RORC: variants seen among roughly 807,000 people sequenced by gnomAD.
RORC encodes RAR related orphan receptor C, also known as nuclear receptor ROR-gamma.
Under a neutral mutation model 64.5 loss-of-function variants are expected in RORC, and 13 were observed. That is an observed-to-expected ratio of 0.20 (90% CI 0.13 to 0.32). The LOEUF (loss-of-function observed/expected upper bound fraction) is 0.32, where lower values mean the gene tolerates loss of function less well. Among genes scored for constraint, RORC ranks in the 10% least tolerant of loss-of-function variants. The pLI, the probability that RORC is intolerant of heterozygous loss-of-function variation, is 1.00. For missense variants in RORC, 468 were observed against 669.5 expected (o/e 0.70, Z 3.32); for synonymous variants, 277 against 259.3 (o/e 1.07, Z -0.65).
At chr1:151,821,046 C>T (rs1651976257) in intron 2 of RORC, among the ~76,000 whole-genome samples, 1 of 152,180 alleles carries the variant, frequency 6.6e-6, no homozygotes, top group South Asian at 2.1e-4. Flanking sequence ...CTGAAGTACC[C>T]CCAGGAGCAT....
chr1:151,828,249 G>C (rs1026283737), intron 2 of RORC, among the ~76,000 whole-genome samples: 1 of 152,156 alleles, frequency 6.6e-6, no homozygotes, highest in Non-Finnish European at 1.5e-5. Context: ...GGAGGAACTG[G>C]CAAGGCAGTC....
At chr1:151,829,406 C>G in intron 2 of RORC, 23 bp downstream of exon 2, 1 of 1,537,816 alleles carries the variant, frequency 6.5e-7, no homozygotes. Context: ...CAGCCATTTT[C>G]TTGCCCCGGA....
chr1:151,815,102 G>C lies in RORC; in HGVS notation c.622C>G (p.Arg208Gly). ...ASCHLEYSPERGKAEGRESFY... is the reference protein window; with the variant it reads ...ASCHLEYSPEGGKAEGRESFY... ...CTCTCTCTGCCCTCAGCCTTGCCCC[G>C]CTCAGGGCTGTATTCAAGGTGGCAT... The change falls in exon 5 of 11, where the codon CGG becomes GGG. Residue 208 changes from arginine to glycine, a missense_variant. By Grantham distance (125) the Arg-to-Gly change is moderately radical. Coordinates refer to ENST00000318247, the MANE Select transcript of RORC (RefSeq NM_005060.4). 1 of 1,614,146 alleles carries C rather than the reference G, an allele frequency of 6.2e-7. No individual in the cohort carries two copies. Among genetic ancestry groups the C allele is most frequent in the South Asian group, 1.1e-5 (1 of 91,078 alleles).
At chr1:151,813,142 G>C in intron 8 of RORC, 85 bp from the exon 9 acceptor site, 1 of 1,450,416 alleles carries the variant, frequency 6.9e-7, no homozygotes. Context: ...TTAGAGCAGA[G>C]GGGGCAATTC....
chr1:151,813,404 C>T, intron 7 of RORC, 58 bp from the exon 8 acceptor site: 1 of 1,609,156 alleles, frequency 6.2e-7, no homozygotes, highest in Non-Finnish European at 8.5e-7. Context: ...GGATCTGACT[C>T]TGTCCCCCTG....
At chr1:151,825,029 A>AGCTTCTCTG (rs796301574) in intron 2 of RORC, among the ~76,000 whole-genome samples, 3 of 151,434 alleles carry the variant, frequency 2.0e-5, no homozygotes, top group African/African-American at 7.2e-5. Context: ...GTGCTCTGAG[A>AGCTTCTCTG]GCTTCTCTGG....
intron 2 of RORC, among the ~76,000 whole-genome samples, chr1:151,820,681 C>T (rs993706671): frequency 5.3e-5 from 8 of 152,172 alleles, no homozygotes; most frequent in African/African-American, 1.9e-4. Flanking sequence ...GAGACAAATG[C>T]CCAAATGCAC....
intron 2 of RORC, among the ~76,000 whole-genome samples, chr1:151,829,032 G>GCTGAGTTC (rs569328811): frequency 5.7e-4 from 86 of 150,056 alleles, no homozygotes; most frequent in Non-Finnish European, 7.4e-4. Flanking sequence ...TGGCAGCAGC[G>GCTGAGTTC]CTGAGTTCCT....
Position 151,807,349 on chromosome 1 carries a change from T to A in RORC, c.*123A>T, listed in dbSNP as rs1651354112. 1 of 985,262 alleles carries A rather than the reference T, an allele frequency of 1.0e-6. No homozygotes were observed. The highest frequency in any genetic ancestry group is 1.8e-5 in the South Asian group (1 of 56,594). The allele number at this position is 985,262 out of a possible 1,614,324, so 61.0% of individuals were successfully genotyped here. A position where few individuals can be genotyped will look rare whatever the true frequency, so the allele number is the denominator to read the frequency against. On this transcript the variant is annotated 3_prime_UTR_variant, in exon 11 of 11. Coordinates refer to ENST00000318247, the MANE Select transcript of RORC (RefSeq NM_005060.4). This position sits in a 1 kb window ranked among gnomAD's most constrained non-coding sequence, Gnocchi z 5.0. ...AAGCCAGCCGCAGCATCTGCTCACT[T>A]CCAAAGAGCTGGTGGGGACCACCCT... is the stretch of plus-strand genomic sequence containing the variant.
intron 9 of RORC, chr1:151,811,664 G>T: frequency 2.7e-6 from 1 of 371,628 alleles, no homozygotes; most frequent in Non-Finnish European, 5.0e-6. Flanking sequence ...CTGATCTCCT[G>T]ACTCCAAGCT....
intron 2 of RORC, 96 bp from the exon 3 acceptor site, chr1:151,817,376 A>T: frequency 1.2e-6 from 1 of 807,288 alleles, no homozygotes; most frequent in Non-Finnish European, 2.1e-6. Context: ...TGGTGCTTCC[A>T]CTACTTCTCC....
chr1:151,825,922 T>G (rs1652176504), intron 2 of RORC: 2 of 1,613,768 alleles, frequency 1.2e-6, no homozygotes, highest in Non-Finnish European at 1.7e-6. Flanking sequence ...GTGGCCCCAT[T>G]CACTTACTTC....
intron 2 of RORC, chr1:151,826,163 G>T: frequency 8.5e-7 from 1 of 1,176,020 alleles, no homozygotes; most frequent in Non-Finnish European, 1.1e-6. Flanking sequence ...CCCAAGGGGT[G>T]CAGTGAGTAG....
In RORC at chr1:151,826,936, G is replaced by A. The variant is rs1452108704; in HGVS notation, c.70+2493C>T. 2.0e-5 allele frequency among the ~76,000 whole-genome samples: 3 copies of A among 152,112 alleles called. No individual in the cohort carries two copies. In the East Asian group the frequency reaches 5.8e-4, roughly 29 times the overall value. Reference sequence around the variant, plus strand: ...AGTTCGAGACCGGCCTGGCCAACATGGTGAAACCCCATCTCTACTAAAAAT... The same window carrying A: ...AGTTCGAGACCGGCCTGGCCAACATAGTGAAACCCCATCTCTACTAAAAAT... On this transcript the variant is annotated intron_variant, in intron 2 of 10. Transcript: ENST00000318247.
Position 151,827,188 on chromosome 1 carries a change from C to T in RORC, c.70+2241G>A, listed in dbSNP as rs140582885. On this transcript the variant is annotated intron_variant, in intron 2 of 10. Coordinates refer to ENST00000318247, the MANE Select transcript of RORC (RefSeq NM_005060.4). ...TCATTTCGAGGAGGAAAGTGAGACACAGAGAGGTTAAGTAACTTGCCCAAG... is the reference window on the plus strand; with the variant it reads ...TCATTTCGAGGAGGAAAGTGAGACATAGAGAGGTTAAGTAACTTGCCCAAG... Among the ~76,000 whole-genome samples the T allele has an allele frequency of 4.8e-4, 73 of 152,316 alleles. No individual in the cohort carries two copies. The Middle Eastern group carries it at 0.014, about 28-fold the overall frequency.
rs1308836109 is a variant in RORC, at chr1:151,807,670, T to C, written c.1396-37A>G. 6.2e-7 allele frequency: 1 copy of C among 1,608,466 alleles called. No homozygotes were observed. Among genetic ancestry groups the C allele is most frequent in the African/African-American group, 1.3e-5 (1 of 74,914 alleles). On this transcript the variant is annotated intron_variant, in intron 10 of 10. Coordinates refer to ENST00000318247, the MANE Select transcript of RORC (RefSeq NM_005060.4). The surrounding 1 kb of genome is among the most constrained non-coding windows in gnomAD (Gnocchi z 5.0). ...TTAATGGGGAAGGGAGGGTCAATAC[T>C]TCAGCTCTCCTCAGAGCAAAGAAGT...
chr1:151,831,016 C>A (rs920196348), intron 1 of RORC: 1 of 1,289,224 alleles, frequency 7.8e-7, no homozygotes, highest in African/African-American at 1.5e-5. Flanking sequence ...CACAGCTGAC[C>A]AAGCCTGTGG....
chr1:151,820,347 G>A (rs1213795011), intron 2 of RORC, among the ~76,000 whole-genome samples: 2 of 152,100 alleles, frequency 1.3e-5, no homozygotes, highest in African/African-American at 4.8e-5. Context: ...TGGGAGACAC[G>A]TCCCTGAAGC....
At chr1:151,829,537 C>G in intron 1 of RORC, 79 bp from the exon 2 acceptor site, 1 of 1,282,152 alleles carries the variant, frequency 7.8e-7, no homozygotes, top group Non-Finnish European at 1.0e-6. Flanking sequence ...CTCCTAGGAT[C>G]CCACTGCCGC....
Sources: gnomAD v4.1 joint callset for allele counts (sites outside exome capture counted in the v4.1 genomes callset) on GRCh38, gnomAD v4.1.1 for gene constraint, Gnocchi (gnomAD v3.1) non-coding constraint, MANE v1.5 for transcripts, NCBI Gene and HGNC (gene_info 2026-07-23, HGNC 2026-07-21) for gene names.